TANC2: variants seen among roughly 807,000 people sequenced by gnomAD.
TANC2 encodes tetratricopeptide repeat, ankyrin repeat and coiled-coil containing 2.
Under a neutral mutation model 210.5 loss-of-function variants are expected in TANC2, and 26 were observed. That is an observed-to-expected ratio of 0.12 (90% CI 0.09 to 0.17). TANC2 has a LOEUF of 0.17. TANC2 is among the 10% of genes least tolerant of loss of function. TANC2 has a pLI of 1.00. For missense variants in TANC2, 2,129 were observed against 2,608.9 expected (o/e 0.82, Z 4.01); for synonymous variants, 931 against 967.1 (o/e 0.96, Z 0.69).
chr17:63,349,880 G>T (rs2046542419), intron 12 of TANC2, among the ~76,000 whole-genome samples: 2 of 152,088 alleles, frequency 1.3e-5, no homozygotes, highest in African/African-American at 4.8e-5. Flanking sequence ...ACTCCCTGAA[G>T]GAATTTCATG....
intron 2 of TANC2, among the ~76,000 whole-genome samples, chr17:63,037,078 ATATAT>A (rs1568334909): frequency 6.6e-6 from 1 of 152,158 alleles, no homozygotes; most frequent in Non-Finnish European, 1.5e-5. Context: ...TATTATAACA[ATATAT>A]TATAGCAAAT....
At chr17:63,333,000 C>T (rs895760633) in intron 11 of TANC2, among the ~76,000 whole-genome samples, 2 of 152,180 alleles carry the variant, frequency 1.3e-5, no homozygotes, top group African/African-American at 4.8e-5. Context: ...AATACTACTC[C>T]TCATGGACAA....
At chr17:63,363,927 A>G (rs1445535486) in intron 14 of TANC2, among the ~76,000 whole-genome samples, 11 of 152,216 alleles carry the variant, frequency 7.2e-5, no homozygotes, top group Non-Finnish European at 1.5e-5. Flanking sequence ...CTTCACTTCT[A>G]ATTCTTCTCT....
intron 12 of TANC2, among the ~76,000 whole-genome samples, chr17:63,346,505 A>G (rs995402155): frequency 6.6e-6 from 1 of 152,210 alleles, no homozygotes; most frequent in Non-Finnish European, 1.5e-5. Flanking sequence ...AGTGTTTAAC[A>G]TGAGTAATCA....
intron 14 of TANC2, among the ~76,000 whole-genome samples, chr17:63,359,370 A>G (rs1192248897): frequency 1.3e-5 from 2 of 148,226 alleles, no homozygotes; most frequent in African/African-American, 2.5e-5. Context: ...TTTTCGAGAC[A>G]GAGTGTCCTG....
intron 9 of TANC2, among the ~76,000 whole-genome samples, chr17:63,274,891 C>A (rs181364854): frequency 6.6e-6 from 1 of 152,180 alleles, no homozygotes; most frequent in African/African-American, 2.4e-5. Flanking sequence ...AAAAATTATC[C>A]ACCTGAAAAT....
chr17:63,043,668 T>C, intron 2 of TANC2, among the ~76,000 whole-genome samples: 1 of 152,172 alleles, frequency 6.6e-6, no homozygotes, highest in East Asian at 1.9e-4. Flanking sequence ...ATACATTATA[T>C]GTATATTCTG....
intron 4 of TANC2, among the ~76,000 whole-genome samples, chr17:63,145,602 A>G (rs1393384266): frequency 6.6e-6 from 1 of 152,120 alleles, no homozygotes; most frequent in Non-Finnish European, 1.5e-5. Flanking sequence ...ACGTAAGATA[A>G]GGATCTAACC....
intron 5 of TANC2, among the ~76,000 whole-genome samples, chr17:63,175,537 A>C (rs1383753385): frequency 0.27 from 35,153 of 131,054 alleles, 4,800 homozygotes; most frequent in African/African-American, 0.44. Context: ...CCCCGCCAAA[A>C]AAAAAAAAAA....
intron 14 of TANC2, among the ~76,000 whole-genome samples, chr17:63,378,454 T>G (rs951971636): frequency 6.6e-5 from 10 of 152,028 alleles, no homozygotes; most frequent in African/African-American, 2.2e-4. Context: ...ATCTATTACC[T>G]CATATAACAA....
intron 5 of TANC2, among the ~76,000 whole-genome samples, chr17:63,187,662 C>CA (rs1282715534): frequency 2.6e-5 from 4 of 151,820 alleles, no homozygotes; most frequent in Non-Finnish European, 4.4e-5. Context: ...CCCACAGATA[C>CA]AAGAAGTTCA....
chr17:63,310,966 A>G (rs1265414756), intron 9 of TANC2, among the ~76,000 whole-genome samples: 2 of 152,166 alleles, frequency 1.3e-5, no homozygotes, highest in Non-Finnish European at 2.9e-5. Context: ...ATATACAGTG[A>G]TGTGTATTGT....
At chr17:63,299,516 A>G (rs2044640730) in intron 9 of TANC2, among the ~76,000 whole-genome samples, 1 of 147,340 alleles carries the variant, frequency 6.8e-6, no homozygotes, top group South Asian at 2.2e-4. Flanking sequence ...CATTTCTCTA[A>G]TGGTCAGTGA....
At chr17:62,996,197 T>C (rs2033098350) in intron 1 of TANC2, among the ~76,000 whole-genome samples, 1 of 152,204 alleles carries the variant, frequency 6.6e-6, no homozygotes, top group Non-Finnish European at 1.5e-5. Context: ...TTCTGTCTAG[T>C]ATTCTCATCA....
chr17:63,423,116 TC>T (rs772547804), exon 28 of TANC2: 3 of 152,236 alleles, frequency 2.0e-5, no homozygotes, highest in Non-Finnish European at 4.4e-5. Flanking sequence ...GTTGTCTACT[TC>T]CATTTTGAGA....
chr17:63,308,719 T>A (rs566210636), intron 9 of TANC2, among the ~76,000 whole-genome samples: 2 of 152,304 alleles, frequency 1.3e-5, no homozygotes, highest in African/African-American at 4.8e-5. Flanking sequence ...TCAATTGATG[T>A]AGTTTAATTA....
chr17:63,406,162 T>C, exon 21 of TANC2: 2 of 1,613,846 alleles, frequency 1.2e-6, no homozygotes, highest in Non-Finnish European at 1.7e-6. Flanking sequence ...AGATTGTTGA[T>C]CTTTTACTCA....
rs188195586 is a variant in TANC2 at position 63,292,860 on chromosome 17, T to C, written c.1160-21528T>C. On this transcript the variant is annotated intron_variant, in intron 9 of 27. Coordinates refer to ENST00000689528, the Ensembl canonical transcript of TANC2. ...AACCCTATTTTAAACATGAGGAAACTGAAATATCAATAACATAAGCAGCTA... is the reference window on the plus strand; with the variant it reads ...AACCCTATTTTAAACATGAGGAAACCGAAATATCAATAACATAAGCAGCTA... Among the ~76,000 whole-genome samples, 658 of 152,292 alleles carry C rather than the reference T, an allele frequency of 4.3e-3. 2 individuals carry two copies. Among genetic ancestry groups the C allele is most frequent in the Admixed American group, 9.4e-3 (143 of 15,288 alleles).
intron 8 of TANC2, among the ~76,000 whole-genome samples, chr17:63,246,251 T>TG (rs2042917241): frequency 6.6e-6 from 1 of 151,512 alleles, no homozygotes. Context: ...AACTTTTTTT[T>TG]TTGTTTTTTT....
Sources: allele counts gnomAD v4.1 joint callset (sites outside exome capture counted in the v4.1 genomes callset), GRCh38; gene constraint gnomAD v4.1.1; transcripts MANE v1.5; gene names NCBI Gene and HGNC (gene_info 2026-07-23, HGNC 2026-07-21).